ZBTB20: variants seen among roughly 807,000 people sequenced by gnomAD.
ZBTB20 encodes zinc finger and BTB domain containing 20.
A neutral mutation model predicts 56.9 loss-of-function variants in ZBTB20; 9 were observed. That is an observed-to-expected ratio of 0.16 (90% confidence interval 0.10 to 0.28). ZBTB20 has a LOEUF of 0.28. ZBTB20 is among the 10% of genes least tolerant of loss of function. ZBTB20 has a pLI of 1.00. For missense variants in ZBTB20, 655 were observed against 1,003.0 expected (o/e 0.65, Z 4.69); for synonymous variants, 417 against 420.7 (o/e 0.99, Z 0.11).
chr3:114,964,457 C>T (rs2077570203), intron 3 of ZBTB20, among the ~76,000 whole-genome samples: 1 of 152,016 alleles, frequency 6.6e-6, no homozygotes, highest in African/African-American at 2.4e-5. Context: ...CACTATGCTA[C>T]AATATGGTAA....
At chr3:114,855,239 T>C (rs2075192346) in intron 4 of ZBTB20, among the ~76,000 whole-genome samples, 2 of 152,202 alleles carry the variant, frequency 1.3e-5, no homozygotes, top group Admixed American at 6.5e-5. Flanking sequence ...TGTGAACCTT[T>C]CGTAATTATT....
intron 5 of ZBTB20, among the ~76,000 whole-genome samples, chr3:114,726,281 G>A (rs906390797): frequency 1.1e-4 from 16 of 152,012 alleles, no homozygotes; most frequent in African/African-American, 3.4e-4. Flanking sequence ...AGTGTTTAAC[G>A]ACTGTTAAAA....
rs568685822 is a variant in ZBTB20, at chr3:114,940,073, G to A, written c.-456+34293C>T. ...GAGTATCTTCTGTGTATGTAAGTAT[G>A]TGTTCACTAGTGCATTCATTTTTTC... On this transcript the variant is annotated intron_variant, in intron 3 of 11. Transcript: ENST00000675478. Among the ~76,000 whole-genome samples the A allele has an allele frequency of 5.0e-4, 52 of 103,948 alleles. 12 individuals are homozygous for A. The highest frequency in any genetic ancestry group is 2.8e-3 in the African/African-American group (52 of 18,718). The allele number at this position is 103,948 out of a possible 152,430, so 68.2% of individuals were successfully genotyped here. A position where few individuals can be genotyped will look rare whatever the true frequency, so the allele number is the denominator to read the frequency against.
chr3:114,995,303 A>C (rs1393879226), intron 2 of ZBTB20, among the ~76,000 whole-genome samples: 2 of 151,920 alleles, frequency 1.3e-5, no homozygotes, highest in East Asian at 3.9e-4. Flanking sequence ...TATTTATTAC[A>C]TTAATTTCGT....
intron 7 of ZBTB20, among the ~76,000 whole-genome samples, chr3:114,392,682 C>T (rs1357102746): frequency 6.6e-6 from 1 of 152,156 alleles, no homozygotes; most frequent in Non-Finnish European, 1.5e-5. Context: ...TAAATGTTTA[C>T]TTGTTTTTCT....
chr3:114,348,308 A>G (rs895734221), intron 11 of ZBTB20, among the ~76,000 whole-genome samples: 1 of 152,178 alleles, frequency 6.6e-6, no homozygotes, highest in Non-Finnish European at 1.5e-5. Context: ...CCTTAATTTA[A>G]TGGCTTATAA....
At position 115,055,222 on chromosome 3, in the gene ZBTB20, TCTCA is replaced by T. The variant is rs1433161003; in HGVS notation, c.-507+15993_-507+15996del. The stretch of plus-strand genomic sequence containing the variant: ...CTCTCTCTCTCTCTCTCTCTCTCTC[TCTCA>T]CTGTCCACTAGCCTTGGAAGAAACC... On this transcript the variant is annotated intron_variant, in intron 2 of 11. Transcript: ENST00000675478. Among the ~76,000 whole-genome samples, 70 of 150,812 alleles carry T rather than the reference TCTCA, an allele frequency of 4.6e-4. 1 individual carries two copies. The highest frequency in any genetic ancestry group is 1.6e-3 in the African/African-American group (66 of 40,918).
chr3:114,970,987 C>A (rs1439312552), intron 3 of ZBTB20, among the ~76,000 whole-genome samples: 1 of 151,056 alleles, frequency 6.6e-6, no homozygotes, highest in Non-Finnish European at 1.5e-5. Context: ...TGCACTCCAG[C>A]CTGGGCAACA....
At chr3:114,606,868 G>C (rs2057199399) in intron 6 of ZBTB20, among the ~76,000 whole-genome samples, 1 of 152,074 alleles carries the variant, frequency 6.6e-6, no homozygotes, top group Non-Finnish European at 1.5e-5. Flanking sequence ...GGTTGAGGCG[G>C]GTGGATCACT....
At chr3:114,648,360 T>G (rs568327968) in intron 6 of ZBTB20, among the ~76,000 whole-genome samples, 3 of 151,876 alleles carry the variant, frequency 2.0e-5, no homozygotes, top group Admixed American at 6.6e-5. Flanking sequence ...AATTAATAAT[T>G]TCAAAGATTT....
chr3:114,829,463 G>A (rs372761864), intron 4 of ZBTB20, among the ~76,000 whole-genome samples: 3 of 151,858 alleles, frequency 2.0e-5, no homozygotes, highest in African/African-American at 7.2e-5. Flanking sequence ...CTGTATCACA[G>A]CTAAATAAAA....
chr3:115,141,581 A>G (rs888079307), intron 1 of ZBTB20, among the ~76,000 whole-genome samples: 8 of 152,226 alleles, frequency 5.3e-5, no homozygotes, highest in Admixed American at 2.0e-4. Flanking sequence ...TAGTTTGTTC[A>G]TAAAACAAAG....
chr3:114,970,842 C>T (rs2077847936), intron 3 of ZBTB20, among the ~76,000 whole-genome samples: 1 of 152,038 alleles, frequency 6.6e-6, no homozygotes, highest in African/African-American at 2.4e-5. Context: ...GGTGAAACCT[C>T]GTGTCTACTA....
intron 2 of ZBTB20, among the ~76,000 whole-genome samples, chr3:115,046,563 G>A (rs2081341153): frequency 1.3e-5 from 2 of 152,016 alleles, no homozygotes; most frequent in Admixed American, 1.3e-4. Context: ...ATAGGTCAAG[G>A]CTACTTAAGA....
At chr3:114,794,433 T>C (rs2071198921) in intron 5 of ZBTB20, among the ~76,000 whole-genome samples, 1 of 152,086 alleles carries the variant, frequency 6.6e-6, no homozygotes, top group African/African-American at 2.4e-5. Context: ...AGTATTGGGA[T>C]TACAGTACCA....
intron 6 of ZBTB20, among the ~76,000 whole-genome samples, chr3:114,503,581 T>C (rs1371044968): frequency 6.6e-6 from 1 of 152,202 alleles, no homozygotes; most frequent in Non-Finnish European, 1.5e-5. Flanking sequence ...TGCAAAGAAT[T>C]ATCTATAAAA....
chr3:114,380,454 A>G (rs2084179556), intron 9 of ZBTB20, 50 bp from the exon 10 acceptor site: 1 of 1,460,240 alleles, frequency 6.8e-7, no homozygotes, highest in Non-Finnish European at 9.0e-7. Context: ...ATATTTGGGA[A>G]AAGGCATTTT....
intron 6 of ZBTB20, among the ~76,000 whole-genome samples, chr3:114,535,512 CA>C (rs2048355688): frequency 6.6e-6 from 1 of 152,000 alleles, no homozygotes; most frequent in Non-Finnish European, 1.5e-5. Flanking sequence ...GCCTACCAAC[CA>C]AAAAAAGCCC....
intron 7 of ZBTB20, among the ~76,000 whole-genome samples, chr3:114,416,226 A>T (rs958730445): frequency 6.6e-6 from 1 of 151,994 alleles, no homozygotes; most frequent in Non-Finnish European, 1.5e-5. Context: ...GAATCAAGTC[A>T]TAAAAGAACT....
Sources: gnomAD v4.1 joint callset for allele counts (sites outside exome capture counted in the v4.1 genomes callset) on GRCh38, gnomAD v4.1.1 for gene constraint, MANE v1.5 for transcripts, NCBI Gene and HGNC (gene_info 2026-07-23, HGNC 2026-07-21) for gene names.